The following CHM variants were observed in gnomAD, a reference collection of about 807,000 sequenced individuals.
The protein encoded by CHM is rab proteins geranylgeranyltransferase component A 1.
CHM carries 10 observed loss-of-function variants against 49.0 expected under a neutral mutation model. The ratio of observed to expected loss-of-function variants is 0.20; its 90% CI spans 0.13 to 0.35. The LOEUF (loss-of-function observed/expected upper bound fraction) is 0.35. Ranked by LOEUF, CHM falls within the 10% of genes least tolerant of loss-of-function variation. The pLI is 1.00. For synonymous variants in CHM, 184 were observed against 167.5 expected (o/e 1.10, Z -0.76); for missense variants, 455 against 478.4 (o/e 0.95, Z 0.46).
intron 9 of CHM, among the ~76,000 whole-genome samples, chrX:85,905,503 T>C (rs1336368265): frequency 9.0e-6 from 1 of 111,442 alleles, no homozygotes; most frequent in Non-Finnish European, 1.9e-5. Context: ...TTTAAGACAA[T>C]AGCAAAGTCC....
intron 8 of CHM, among the ~76,000 whole-genome samples, chrX:85,926,658 G>GA (rs1190683145): frequency 9.0e-6 from 1 of 111,232 alleles, no homozygotes; most frequent in Non-Finnish European, 1.9e-5. Context: ...CACAGCAAAA[G>GA]ATCAGGAAAG....
intron 12 of CHM, among the ~76,000 whole-genome samples, chrX:85,889,890 T>C (rs1459942760): frequency 1.8e-5 from 2 of 111,818 alleles, no homozygotes; most frequent in Non-Finnish European, 3.8e-5. Context: ...GAAAATCATG[T>C]CATTTGCAGC....
At chrX:85,945,091 G>A (rs1929327559) in intron 8 of CHM, among the ~76,000 whole-genome samples, 1 of 111,169 alleles carries the variant, frequency 9.0e-6, no homozygotes, top group Non-Finnish European at 1.9e-5. Context: ...AGGAACACAT[G>A]GACACATAGA....
chrX:85,916,540 C>T (rs1350939884), intron 8 of CHM, among the ~76,000 whole-genome samples: 1 of 111,563 alleles, frequency 9.0e-6, no homozygotes, highest in Non-Finnish European at 1.9e-5. Context: ...AGAATTTTTA[C>T]AATCTATCTA....
rs1021742748 is a variant in CHM at position 85,951,577 on chromosome X, T to C, written c.1166+4576A>G. On this transcript the variant is annotated intron_variant, in intron 8 of 14. Coordinates refer to ENST00000357749, the MANE Select transcript of CHM (RefSeq NM_000390.4). ...CATATAACTGAAAAAAGATCACTAA[T>C]CAGAATATATTTTAAAACTCCTACA... is the stretch of plus-strand genomic sequence containing the variant. Among the ~76,000 whole-genome samples, 5 of 111,538 alleles carry C rather than the reference T, an allele frequency of 4.5e-5. No homozygotes were observed. In the South Asian group the frequency reaches 1.9e-3, roughly 42 times the overall value.
chrX:86,002,329 TCA>T (rs1157011020), intron 2 of CHM, among the ~76,000 whole-genome samples: 1 of 106,721 alleles, frequency 9.4e-6, no homozygotes, highest in Non-Finnish European at 2.0e-5. Flanking sequence ...CAAAATATTT[TCA>T]GTTATTGTTT....
At chrX:85,867,296 C>T (rs780845612) in intron 14 of CHM, among the ~76,000 whole-genome samples, 4 of 111,557 alleles carry the variant, frequency 3.6e-5, no homozygotes, top group African/African-American at 9.8e-5. Flanking sequence ...GCTCTCCTGC[C>T]GCCATGTAAG....
intron 8 of CHM, among the ~76,000 whole-genome samples, chrX:85,931,259 A>G (rs771976012): frequency 9.0e-6 from 1 of 111,409 alleles, no homozygotes; most frequent in Non-Finnish European, 1.9e-5. Context: ...AAAACGGTCA[A>G]CTTGCTATGA....
intron 2 of CHM, among the ~76,000 whole-genome samples, chrX:85,991,554 C>A (rs1167768463): frequency 9.0e-6 from 1 of 111,150 alleles, no homozygotes; most frequent in Non-Finnish European, 1.9e-5. Flanking sequence ...ATTAATAGGT[C>A]TCCCAAGAAA....
chrX:86,043,269 C>T (rs1013214674), intron 1 of CHM, among the ~76,000 whole-genome samples: 2 of 111,710 alleles, frequency 1.8e-5, no homozygotes, highest in African/African-American at 6.5e-5. Flanking sequence ...GATTATCATA[C>T]ACCATGCTGC....
chrX:85,894,817 T>C (rs925707078), intron 11 of CHM, among the ~76,000 whole-genome samples: 2 of 111,996 alleles, frequency 1.8e-5, no homozygotes, highest in African/African-American at 6.5e-5. Flanking sequence ...TGTATTTTGC[T>C]GTTTGAAATC....
chrX:85,879,017 A>T lies in CHM; in HGVS notation c.1557T>A (p.Asp519Glu). 8.3e-7 allele frequency: 1 copy of T among 1,205,497 alleles called. No individual in the cohort carries two copies. Among genetic ancestry groups the T allele is most frequent in the Non-Finnish European group, 1.1e-6 (1 of 891,057 alleles). ...TCTSSKTAREDLESVVQKLFV... is the reference protein window; with the variant it reads ...TCTSSKTAREELESVVQKLFV... ...ACAATTTCTGCACAACTGATTCTAA[A>T]TCTTCTCTTGCTGTTTTAGAAGATG... The change falls in exon 13 of 15, where the codon GAT becomes GAA. Residue 519 changes from aspartate (D) to glutamate (E), a missense_variant. By Grantham distance (45) the Asp-to-Glu change is conservative (BLOSUM62 2). Coordinates refer to ENST00000357749, the MANE Select transcript of CHM (RefSeq NM_000390.4).
intron 2 of CHM, among the ~76,000 whole-genome samples, chrX:85,983,777 C>A (rs765663862): frequency 6.3e-5 from 7 of 111,485 alleles, no homozygotes; most frequent in Admixed American, 9.5e-5. Flanking sequence ...ACAAAAGTTT[C>A]TTCGGACACA....
At chrX:85,932,854 TGA>T (rs1180358107) in intron 8 of CHM, among the ~76,000 whole-genome samples, 3 of 111,612 alleles carry the variant, frequency 2.7e-5, no homozygotes, top group Non-Finnish European at 5.6e-5. Flanking sequence ...GTTAATTCAG[TGA>T]GGGACAAGCA....
At chrX:86,009,364 G>C (rs1932961577) in intron 2 of CHM, among the ~76,000 whole-genome samples, 1 of 112,180 alleles carries the variant, frequency 8.9e-6, no homozygotes, top group Admixed American at 9.4e-5. Context: ...CATACATCCA[G>C]AAAGTATTTA....
intron 9 of CHM, among the ~76,000 whole-genome samples, chrX:85,903,977 G>C (rs566327102): frequency 9.0e-6 from 1 of 111,161 alleles, no homozygotes. Flanking sequence ...GATAAGATAT[G>C]TTTTCCTCTC....
intron 11 of CHM, among the ~76,000 whole-genome samples, chrX:85,897,306 CGTGTGTGTGTGTGTGTGTGT>C (rs533191230): frequency 1.3e-5 from 1 of 76,525 alleles, no homozygotes; most frequent in South Asian, 6.5e-4. Context: ...CTTGTGTGTG[CGTGTGTGTGTGTGTGTGTGT>C]GTGTGTGTGT....
At chrX:85,933,477 G>A (rs940091785) in intron 8 of CHM, among the ~76,000 whole-genome samples, 1 of 111,744 alleles carries the variant, frequency 8.9e-6, no homozygotes, top group African/African-American at 3.3e-5. Flanking sequence ...AGAAAGTCTG[G>A]CTTCAAAGTC....
intron 8 of CHM, among the ~76,000 whole-genome samples, chrX:85,931,671 A>G (rs1270724625): frequency 1.8e-5 from 2 of 110,993 alleles, no homozygotes; most frequent in African/African-American, 3.3e-5. Context: ...ATTGTACCCC[A>G]ATCCCATAGG....
Sources: allele counts gnomAD v4.1 joint callset (sites outside exome capture counted in the v4.1 genomes callset), GRCh38; gene constraint gnomAD v4.1.1; transcripts MANE v1.5; gene names NCBI Gene and HGNC (gene_info 2026-07-23, HGNC 2026-07-21).